The following BBS2 variants were observed in gnomAD, a reference collection of about 807,000 sequenced individuals.
BBS2 encodes the protein Bardet-Biedl syndrome 2.
Under a neutral mutation model 83.0 loss-of-function variants are expected in BBS2, and 62 were observed. That is an observed-to-expected ratio of 0.75 (90% confidence interval 0.61 to 0.92). The LOEUF (loss-of-function observed/expected upper bound fraction) is 0.92, where lower values mean the gene tolerates loss of function less well. Among genes scored for constraint, BBS2 ranks in the 40% least tolerant of loss-of-function variants. The probability of loss-of-function intolerance (pLI) is 0.00; values close to 1 mark genes in which losing one functional copy is unlikely to be tolerated. For missense variants in BBS2, 784 were observed against 901.0 expected, an observed-to-expected ratio of 0.87 and a Z score of 1.66; for synonymous variants, 303 against 326.1, an observed-to-expected ratio of 0.93 and a Z score of 0.76.
At chr16:56,502,116 C>A in intron 9 of BBS2, 1 of 736,684 alleles carries the variant, frequency 1.4e-6, no homozygotes, top group Admixed American at 2.0e-5. Flanking sequence ...TGTCCTTAAA[C>A]AATCAGGAAA....
rs564553895 is a variant in BBS2, at chr16:56,518,811, C to G, written c.117+935G>C. On this transcript the variant is annotated intron_variant, in intron 1 of 16. Transcript: ENST00000245157. The stretch of plus-strand genomic sequence containing the variant: ...GTAGGGACTCCTTTTACATCCGAGT[C>G]TCCAAAATCTATACAGAAGGTGTTT... Among the ~76,000 whole-genome samples, 28 of 101,020 alleles carry G rather than the reference C, an allele frequency of 2.8e-4. 1 individual carries two copies. In the South Asian group the frequency reaches 9.6e-3, roughly 35 times the overall value. The allele number at this position is 101,020 out of a possible 152,430, so 66.3% of individuals were successfully genotyped here.
intron 16 of BBS2, 24 bp downstream of exon 16, chr16:56,485,566 G>A (rs1422658081): frequency 6.2e-7 from 1 of 1,613,458 alleles, no homozygotes; most frequent in Admixed American, 1.7e-5. Context: ...AGATCAAAGT[G>A]CAGTGTTATG....
At chr16:56,475,386 C>A in intron 17 of BBS2, 1 of 876,932 alleles carries the variant, frequency 1.1e-6, no homozygotes, top group Non-Finnish European at 1.9e-6. Context: ...AGTCATAGAA[C>A]CAGTTACTGC....
At chr16:56,509,518 C>G in intron 5 of BBS2, 1 of 186,348 alleles carries the variant, frequency 5.4e-6, no homozygotes, top group Non-Finnish European at 1.1e-5. Flanking sequence ...AACAAACAAA[C>G]AAACAAAAAA....
intron 17 of BBS2, chr16:56,479,115 C>T (rs558534873): frequency 6.6e-6 from 1 of 152,296 alleles, no homozygotes; most frequent in Non-Finnish European, 1.5e-5. Flanking sequence ...TATATGGTTT[C>T]TCTCTTTATT....
chr16:56,515,953 C>T (rs1039992249), intron 1 of BBS2: 4 of 152,248 alleles, frequency 2.6e-5, no homozygotes, highest in Non-Finnish European at 5.9e-5. Flanking sequence ...ATCACACTTC[C>T]TTTTATAACA....
chr16:56,509,876 A>T, intron 5 of BBS2, 81 bp downstream of exon 5: 1 of 1,455,254 alleles, frequency 6.9e-7, no homozygotes, highest in Non-Finnish European at 9.6e-7. Context: ...GAGATGCCCC[A>T]GCACTCTCAC....
Position 56,470,898 on chromosome 16 carries a change from A to G in BBS2, c.*1-203T>C, listed in dbSNP as rs543063683. The stretch of plus-strand genomic sequence containing the variant: ...GAGCATCTACTGTGCCCTAAGCCCT[A>G]TTTCAGGAACTGAAGGACAAAACAG... On this transcript the variant is annotated intron_variant, in intron 17 of 17. Coordinates refer to the BBS2 transcript ENST00000682047. 14 of 1,176,868 alleles carry G rather than the reference A, an allele frequency of 1.2e-5. No individual in the cohort carries two copies. In the East Asian group the frequency reaches 2.1e-4, roughly 17 times the overall value. 72.9% of individuals were successfully genotyped at this position (1,176,868 alleles called of 1,614,324 possible).
At chr16:56,499,391 A>G (rs1323300204) in intron 12 of BBS2, 3 of 296,592 alleles carry the variant, frequency 1.0e-5, no homozygotes, top group Non-Finnish European at 2.0e-5. Flanking sequence ...CCCCAAGATC[A>G]CTAAGAATTT....
chr16:56,511,835 A>G (rs1391897742), intron 2 of BBS2, among the ~76,000 whole-genome samples: 1 of 152,210 alleles, frequency 6.6e-6, no homozygotes, highest in Non-Finnish European at 1.5e-5. Flanking sequence ...CCTAACCACT[A>G]AAGAAAAAAT....
At chr16:56,504,746 A>G (rs1472878329) in intron 7 of BBS2, among the ~76,000 whole-genome samples, 3 of 152,242 alleles carry the variant, frequency 2.0e-5, no homozygotes, top group Non-Finnish European at 4.4e-5. Flanking sequence ...GTAGTTTTCT[A>G]ATTCTTAAGT....
chr16:56,492,371 G>T (rs542996099), intron 15 of BBS2, among the ~76,000 whole-genome samples: 1 of 152,160 alleles, frequency 6.6e-6, no homozygotes. Flanking sequence ...CAACATGGAC[G>T]AACTCTGAGG....
chr16:56,496,220 G>A lies in BBS2; in HGVS notation c.1910+747C>T, dbSNP rs553241334. 3.3e-5 allele frequency among the ~76,000 whole-genome samples: 5 copies of A among 152,086 alleles called. No homozygotes were observed. In the East Asian group the frequency reaches 9.6e-4, roughly 29 times the overall value. On this transcript the variant is annotated intron_variant, in intron 15 of 16. Coordinates refer to ENST00000245157, the MANE Select transcript of BBS2 (RefSeq NM_031885.5). ...TTTTTTCAGTACATTTTATTGGCAA[G>A]GTAAATTTGGCATCCTAGCAAGCAC...
rs1014315603 is a variant in BBS2, at chr16:56,485,705, A to C, written c.1944T>G (p.Tyr648Ter). 2 of 1,613,816 alleles carry C rather than the reference A, an allele frequency of 1.2e-6. No individual in the cohort carries two copies. The highest frequency in any genetic ancestry group is 2.7e-5 in the African/African-American group (2 of 74,948). ...KTMKSRYMEL[Y>*]DLNRDLLNGY... Reference sequence around the variant, plus strand: ...CATTTAGCAAGTCTCTATTAAGGTCATAGAGTTCCATATAACGACTCTTCA... The same window carrying C: ...CATTTAGCAAGTCTCTATTAAGGTCCTAGAGTTCCATATAACGACTCTTCA... Residue 648 changes from tyrosine to a stop codon, truncating the protein, a stop_gained, in exon 16 of 17, where the codon TAT (tyrosine) becomes TAG (stop). Transcript: ENST00000245157. LOFTEE classifies it high-confidence loss of function.
intron 15 of BBS2, among the ~76,000 whole-genome samples, chr16:56,487,903 T>G (rs1375667187): frequency 6.6e-6 from 1 of 152,186 alleles, no homozygotes; most frequent in Non-Finnish European, 1.5e-5. Context: ...TCACTGGTAG[T>G]TGCCAGAGCT....
At chr16:56,511,305 C>T (rs1437171302) in intron 2 of BBS2, 21 bp from the exon 3 acceptor site, 2 of 1,613,336 alleles carry the variant, frequency 1.2e-6, no homozygotes, top group South Asian at 2.2e-5. Flanking sequence ...TAAAAGGACA[C>T]ATTATCTTAG....
chr16:56,480,366 C>CAAAAAAAAAAAAAAAAAAAAAAA (rs1157907841), downstream of BBS2, among the ~76,000 whole-genome samples: 2 of 90,260 alleles, frequency 2.2e-5, no homozygotes, highest in Admixed American at 1.2e-4. Flanking sequence ...AAAAAAAAAA[C>CAAAAAAAAAAAAAAAAAAAAAAA]AAAAAAAAAA....
chr16:56,516,897 G>A (rs547689725), intron 1 of BBS2, among the ~76,000 whole-genome samples: 1 of 152,288 alleles, frequency 6.6e-6, no homozygotes, highest in Admixed American at 6.5e-5. Context: ...AAGGTCTCAA[G>A]ATAAAAGATC....
intron 15 of BBS2, among the ~76,000 whole-genome samples, chr16:56,492,079 T>G (rs905273669): frequency 1.3e-5 from 2 of 151,346 alleles, no homozygotes; most frequent in African/African-American, 4.8e-5. Context: ...AATTTTTAAT[T>G]TTTAATGATT....
Sources: gnomAD v4.1 joint callset for allele counts (sites outside exome capture counted in the v4.1 genomes callset) on GRCh38, gnomAD v4.1.1 for gene constraint, MANE v1.5 for transcripts, NCBI Gene and HGNC (gene_info 2026-07-23, HGNC 2026-07-21) for gene names.